Variants in NFIB observed in about 807,000 individuals in gnomAD.
NFIB encodes the protein nuclear factor 1 B-type.
NFIB carries 11 observed loss-of-function variants against 61.5 expected under a neutral mutation model. The ratio of observed to expected loss-of-function variants is 0.18; its 90% CI spans 0.11 to 0.30. The LOEUF is 0.30. NFIB is among the 10% of genes least tolerant of loss of function. The pLI is 1.00. For missense variants in NFIB, 471 were observed against 608.9 expected (o/e 0.77, Z 2.38); for synonymous variants, 260 against 216.5 (o/e 1.20, Z -1.76).
intron 2 of NFIB, among the ~76,000 whole-genome samples, chr9:14,297,319 A>T (rs1485097103): frequency 6.6e-6 from 1 of 152,202 alleles, no homozygotes; most frequent in East Asian, 1.9e-4. Context: ...GATATTTTCT[A>T]TTCTAGACTA....
intron 2 of NFIB, among the ~76,000 whole-genome samples, chr9:14,272,782 T>C (rs1412193270): frequency 6.6e-6 from 1 of 151,860 alleles, no homozygotes; most frequent in African/African-American, 2.4e-5. Flanking sequence ...ACATGCTACA[T>C]TTTTAAATCC....
Position 14,101,473 on chromosome 9 carries a change from A to G in NFIB, c.1467+11526T>C, listed in dbSNP as rs557433554. 4.7e-4 allele frequency among the ~76,000 whole-genome samples: 72 copies of G among 152,200 alleles called. 1 individual carries two copies. The highest frequency in any genetic ancestry group is 1.6e-3 in the African/African-American group (66 of 41,518). ...TATGGAGATAGGCAGACGATCTACA[A>G]CTCTATCTGAGTATGTACCTTTCTA... On this transcript the variant is annotated intron_variant, in intron 10 of 10. Coordinates refer to ENST00000380953, the MANE Select transcript of NFIB (RefSeq NM_001190737.2).
exon 1 of NFIB, chr9:14,398,637 G>C: frequency 6.6e-7 from 1 of 1,521,246 alleles, no homozygotes. Context: ...TCCATACTCC[G>C]AACGGATTCC....
intron 2 of NFIB, among the ~76,000 whole-genome samples, chr9:14,257,416 T>C (rs2056327437): frequency 6.6e-6 from 1 of 152,078 alleles, no homozygotes; most frequent in Non-Finnish European, 1.5e-5. Flanking sequence ...CCTAGCTCAG[T>C]GCTGAATGAA....
intron 1 of NFIB, among the ~76,000 whole-genome samples, chr9:14,369,261 T>C (rs2061332779): frequency 6.6e-6 from 1 of 152,178 alleles, no homozygotes; most frequent in Non-Finnish European, 1.5e-5. Flanking sequence ...TTCCCAATCT[T>C]ATTGTATTAA....
the NFIB span, among the ~76,000 whole-genome samples, chr9:14,466,254 T>G: frequency 3.9e-5 from 6 of 152,328 alleles, no homozygotes; most frequent in African/African-American, 1.4e-4. Context: ...AATTATTCAT[T>G]ACTATTTGTC....
intron 1 of NFIB, among the ~76,000 whole-genome samples, chr9:14,350,893 G>C (rs1331781193): frequency 2.0e-5 from 3 of 152,134 alleles, no homozygotes; most frequent in Non-Finnish European, 4.4e-5. Flanking sequence ...TGTTTCGACA[G>C]GCGGTGCTGC....
chr9:14,484,498 G>C, the NFIB span, among the ~76,000 whole-genome samples: 493 of 152,162 alleles, frequency 3.2e-3, 5 homozygotes, highest in African/African-American at 0.011. Flanking sequence ...GTTTTTATAA[G>C]TAACCAGAAC....
At chr9:14,457,226 G>A in the NFIB span, among the ~76,000 whole-genome samples, 1 of 152,052 alleles carries the variant, frequency 6.6e-6, no homozygotes, top group Non-Finnish European at 1.5e-5. Flanking sequence ...GGATATCCAG[G>A]GAACAGGGTG....
chr9:14,512,854 T>C, the NFIB span, among the ~76,000 whole-genome samples: 1 of 151,252 alleles, frequency 6.6e-6, no homozygotes, highest in Admixed American at 6.6e-5. Flanking sequence ...TAGCTTTCTA[T>C]AGTTTTTCTT....
chr9:14,137,317 A>G (rs1439052053), intron 6 of NFIB, among the ~76,000 whole-genome samples: 1 of 152,212 alleles, frequency 6.6e-6, no homozygotes, highest in African/African-American at 2.4e-5. Flanking sequence ...CGCATTCCTC[A>G]GGTATAAAGC....
chr9:14,444,765 T>A, the NFIB span, among the ~76,000 whole-genome samples: 1 of 152,326 alleles, frequency 6.6e-6, no homozygotes, highest in East Asian at 1.9e-4. Flanking sequence ...TGTACATCAT[T>A]AATAATTTAG....
chr9:14,357,716 T>A (rs1205619713), intron 1 of NFIB: 2 of 152,202 alleles, frequency 1.3e-5, no homozygotes, highest in Admixed American at 1.3e-4. Context: ...CTTTTCATAA[T>A]AGCCAAAAAG....
intron 2 of NFIB, among the ~76,000 whole-genome samples, chr9:14,182,233 G>A (rs2046859263): frequency 1.3e-5 from 2 of 152,152 alleles, no homozygotes; most frequent in Non-Finnish European, 2.9e-5. Flanking sequence ...CTAAATTTGA[G>A]GCACACATTG....
chr9:14,088,029 A>G lies in NFIB; in HGVS notation c.*280T>C, dbSNP rs1216106368. 5.9e-6 allele frequency: 3 copies of G among 510,456 alleles called. No homozygotes were observed. The East Asian group carries it at 1.1e-4, about 19-fold the overall frequency. The allele number at this position is 510,456 out of a possible 1,614,324, so 31.6% of individuals were successfully genotyped here. ...ACCCTTTTTATGTCATTACAGTTTC[A>G]ACCTTAAGGGAATTAGTGATTGTAA... On this transcript the variant is annotated 3_prime_UTR_variant, in exon 11 of 11. Transcript: ENST00000380953.
intron 2 of NFIB, among the ~76,000 whole-genome samples, chr9:14,203,204 G>A (rs2049253366): frequency 6.6e-6 from 1 of 151,814 alleles, no homozygotes; most frequent in African/African-American, 2.4e-5. Context: ...GTTAAGCCAG[G>A]CCCATGGCAT....
chr9:14,323,398 T>G (rs1158954643), intron 1 of NFIB, among the ~76,000 whole-genome samples: 1 of 152,170 alleles, frequency 6.6e-6, no homozygotes, highest in East Asian at 1.9e-4. Flanking sequence ...TTTTGAGTAA[T>G]GCAATTCTTT....
At chr9:14,139,951 C>G (rs1340392943) in intron 6 of NFIB, among the ~76,000 whole-genome samples, 1 of 152,132 alleles carries the variant, frequency 6.6e-6, no homozygotes, top group African/African-American at 2.4e-5. Context: ...ACTTAGAGTT[C>G]TTTACTTTTG....
chr9:14,112,950 G>T (rs1003004244), intron 10 of NFIB, 49 bp downstream of exon 10: 3 of 1,525,790 alleles, frequency 2.0e-6, no homozygotes, highest in African/African-American at 2.8e-5. Flanking sequence ...GGAGAAGCAC[G>T]GAAGCGAAAG....
Sources: allele counts gnomAD v4.1 joint callset (sites outside exome capture counted in the v4.1 genomes callset), GRCh38; gene constraint gnomAD v4.1.1; transcripts MANE v1.5; gene names NCBI Gene and HGNC (gene_info 2026-07-23, HGNC 2026-07-21).